TRPM3: variants seen among roughly 807,000 people sequenced by gnomAD.
TRPM3 encodes the protein long transient receptor potential channel 3.
Under a neutral mutation model 181.2 loss-of-function variants are expected in TRPM3, and 77 were observed. The ratio of observed to expected loss-of-function variants is 0.42; its 90% CI spans 0.35 to 0.51. TRPM3 has a LOEUF of 0.51. Ranked by LOEUF, TRPM3 falls within the 20% of genes least tolerant of loss-of-function variation. The probability of loss-of-function intolerance (pLI) is 0.01; values close to 1 mark genes in which losing one functional copy is unlikely to be tolerated. For synonymous variants in TRPM3, 745 were observed against 796.4 expected, an observed-to-expected ratio of 0.94 and a Z score of 1.09; for missense variants, 1,759 against 2,196.7, an observed-to-expected ratio of 0.80 and a Z score of 3.98.
At chr9:71,419,644 C>T (rs1273868833) in intron 1 of TRPM3, among the ~76,000 whole-genome samples, 1 of 151,876 alleles carries the variant, frequency 6.6e-6, no homozygotes, top group Non-Finnish European at 1.5e-5. Context: ...CCATATGTTT[C>T]CTTAGAAGTT....
chr9:71,230,698 AT>A (rs2080994418), intron 1 of TRPM3, among the ~76,000 whole-genome samples: 1 of 152,170 alleles, frequency 6.6e-6, no homozygotes, highest in African/African-American at 2.4e-5. Flanking sequence ...AGTAGACTTG[AT>A]TTAGGTTGCT....
chr9:71,313,177 T>G (rs1254682026), intron 1 of TRPM3, among the ~76,000 whole-genome samples: 1 of 152,084 alleles, frequency 6.6e-6, no homozygotes, highest in Non-Finnish European at 1.5e-5. Flanking sequence ...ACAATGGAAA[T>G]TCTGTATGTT....
intron 3 of TRPM3, among the ~76,000 whole-genome samples, chr9:70,846,832 T>C (rs1376569274): frequency 1.3e-5 from 2 of 152,238 alleles, no homozygotes; most frequent in African/African-American, 4.8e-5. Flanking sequence ...TTTTCTAAAA[T>C]GCTGTGCAAG....
At chr9:70,903,710 C>G (rs1168024576) in intron 1 of TRPM3, among the ~76,000 whole-genome samples, 1 of 151,968 alleles carries the variant, frequency 6.6e-6, no homozygotes, top group Non-Finnish European at 1.5e-5. Flanking sequence ...ATTTTATTAG[C>G]TAGAGCCAGT....
At chr9:71,145,363 C>T (rs1377452163) in intron 1 of TRPM3, among the ~76,000 whole-genome samples, 2 of 152,160 alleles carry the variant, frequency 1.3e-5, no homozygotes, top group East Asian at 3.9e-4. Context: ...GCTTCTGCTG[C>T]CCTTTCCTTT....
intron 1 of TRPM3, among the ~76,000 whole-genome samples, chr9:71,006,215 C>A (rs1419527151): frequency 2.6e-5 from 4 of 151,824 alleles, no homozygotes; most frequent in Non-Finnish European, 5.9e-5. Context: ...AGCATGAGAT[C>A]AAAAATTCTA....
At chr9:71,169,788 C>T (rs914732720) in intron 1 of TRPM3, among the ~76,000 whole-genome samples, 11 of 151,622 alleles carry the variant, frequency 7.3e-5, no homozygotes, top group Middle Eastern at 3.4e-3. Context: ...AACCCCTTCT[C>T]GGTTTAGTAT....
At chr9:70,659,426 G>A (rs1430472053) in intron 9 of TRPM3, among the ~76,000 whole-genome samples, 1 of 152,074 alleles carries the variant, frequency 6.6e-6, no homozygotes, top group Non-Finnish European at 1.5e-5. Flanking sequence ...CCATGGCTGG[G>A]TTGGGTTTTT....
chr9:70,964,738 A>G (rs1245431434), intron 1 of TRPM3, among the ~76,000 whole-genome samples: 1 of 152,106 alleles, frequency 6.6e-6, no homozygotes, highest in Admixed American at 6.6e-5. Flanking sequence ...CATTAACCAC[A>G]GGGTTTCAAA....
At chr9:70,543,359 T>C (rs2043984409) in intron 25 of TRPM3, among the ~76,000 whole-genome samples, 1 of 152,184 alleles carries the variant, frequency 6.6e-6, no homozygotes, top group African/African-American at 2.4e-5. Context: ...TCCATTTACA[T>C]TCTTTATTTA....
chr9:70,932,273 T>C (rs965082411), intron 1 of TRPM3, among the ~76,000 whole-genome samples: 1 of 151,988 alleles, frequency 6.6e-6, no homozygotes, highest in African/African-American at 2.4e-5. Context: ...AGTAAGAGAG[T>C]GGGGAAGAGG....
upstream of TRPM3, among the ~76,000 whole-genome samples, chr9:71,125,274 C>T (rs1347863419): frequency 6.6e-6 from 1 of 152,044 alleles, no homozygotes; most frequent in Non-Finnish European, 1.5e-5. Context: ...TAAATGTGTG[C>T]CATGGTGGTT....
intron 4 of TRPM3, among the ~76,000 whole-genome samples, chr9:70,845,969 G>A (rs2094935840): frequency 1.3e-5 from 2 of 152,116 alleles, no homozygotes; most frequent in East Asian, 1.9e-4. Flanking sequence ...TGTCCCAGAT[G>A]GAAACGTCAT....
chr9:71,073,222 A>G (rs2063004443), intron 1 of TRPM3, among the ~76,000 whole-genome samples: 1 of 152,200 alleles, frequency 6.6e-6, no homozygotes, highest in Admixed American at 6.5e-5. Flanking sequence ...AAAAGCAGAA[A>G]TCAAGTCATA....
At chr9:71,388,794 C>G (rs1372152575) in intron 1 of TRPM3, among the ~76,000 whole-genome samples, 1 of 152,048 alleles carries the variant, frequency 6.6e-6, no homozygotes, top group Non-Finnish European at 1.5e-5. Flanking sequence ...TTCAGTGCCC[C>G]AGGAGAGGAA....
chr9:70,645,293 TC>T (rs1271908999), intron 9 of TRPM3, among the ~76,000 whole-genome samples: 8 of 151,910 alleles, frequency 5.3e-5, no homozygotes, highest in African/African-American at 1.9e-4. Context: ...GCATCACACT[TC>T]CCATCTTCAA....
At position 70,797,623 on chromosome 9, in the gene TRPM3, A is replaced by C. The variant is rs556762213; in HGVS notation, c.974-13344T>G. On this transcript the variant is annotated intron_variant, in intron 6 of 25. Coordinates refer to ENST00000677713, the MANE Select transcript of TRPM3 (RefSeq NM_001366145.2). Reference sequence around the variant, plus strand: ...TTTTAAACTTTCCTTCAGCCACACCAATTTTCAGATGAGTATCTTTCCTCA... The same window carrying C: ...TTTTAAACTTTCCTTCAGCCACACCCATTTTCAGATGAGTATCTTTCCTCA... Among the ~76,000 whole-genome samples, 13 of 152,204 alleles carry C rather than the reference A, an allele frequency of 8.5e-5. No homozygotes were observed. In the South Asian group the frequency reaches 2.3e-3, roughly 27 times the overall value.
chr9:70,686,790 T>TCTCTCTTTCTCC (rs1590360553), intron 8 of TRPM3, among the ~76,000 whole-genome samples: 1 of 118,906 alleles, frequency 8.4e-6, no homozygotes, highest in Non-Finnish European at 1.8e-5. Context: ...TCCTTTTCTC[T>TCTCTCTTTCTCC]CTCCCTCCCT....
In TRPM3 at chr9:70,892,278, A is replaced by G. The variant is rs140822081; in HGVS notation, c.178-27767T>C. ...CAAAAGTGAAATGAGTTAATATGTAATATCATTCAGAAAAAGAGGCCTTTA... is the reference window on the plus strand; with the variant it reads ...CAAAAGTGAAATGAGTTAATATGTAGTATCATTCAGAAAAAGAGGCCTTTA... On this transcript the variant is annotated intron_variant, in intron 1 of 25. Transcript: ENST00000677713. 2.1e-3 allele frequency among the ~76,000 whole-genome samples: 313 copies of G among 152,266 alleles called. 3 individuals are homozygous for G. Among genetic ancestry groups the G allele is most frequent in the African/African-American group, 7.1e-3 (294 of 41,556 alleles).
Sources: gnomAD v4.1 joint callset for allele counts (sites outside exome capture counted in the v4.1 genomes callset) on GRCh38, gnomAD v4.1.1 for gene constraint, MANE v1.5 for transcripts, NCBI Gene and HGNC (gene_info 2026-07-23, HGNC 2026-07-21) for gene names.